The following PARVA variants were observed in gnomAD, a reference collection of about 807,000 sequenced individuals.
PARVA encodes alpha-parvin.
PARVA carries 25 observed loss-of-function variants against 52.6 expected under a neutral mutation model. The observed-to-expected ratio is 0.48, with a 90% CI of 0.35 to 0.66. The LOEUF (loss-of-function observed/expected upper bound fraction) is 0.66, where lower values mean the gene tolerates loss of function less well. Among genes scored for constraint, PARVA ranks in the 30% least tolerant of loss-of-function variants. PARVA has a pLI of 0.01. For synonymous variants in PARVA, 185 were observed against 179.1 expected, an observed-to-expected ratio of 1.03 and a Z score of -0.26; for missense variants, 373 against 450.9, an observed-to-expected ratio of 0.83 and a Z score of 1.56.
At chr11:12,417,102 T>C (rs868249420) in intron 1 of PARVA, among the ~76,000 whole-genome samples, 1 of 152,238 alleles carries the variant, frequency 6.6e-6, no homozygotes, top group East Asian at 1.9e-4. Flanking sequence ...AGGAAACTTG[T>C]ATATCAGTGA....
At chr11:12,423,019 A>T (rs1228458421) in intron 1 of PARVA, among the ~76,000 whole-genome samples, 1 of 151,900 alleles carries the variant, frequency 6.6e-6, no homozygotes, top group Non-Finnish European at 1.5e-5. Flanking sequence ...ATGCCCAACT[A>T]AGTTTTGTAT....
At chr11:12,513,501 G>C (rs1941529122) in intron 9 of PARVA, 141 bp downstream of exon 9, 1 of 796,890 alleles carries the variant, frequency 1.3e-6, no homozygotes, top group Non-Finnish European at 2.3e-6. Flanking sequence ...TTTCCCCCTT[G>C]CCATCCATGT....
upstream of PARVA, chr11:12,376,750 C>T: frequency 1.0e-6 from 1 of 983,130 alleles, no homozygotes; most frequent in Non-Finnish European, 1.2e-6. Context: ...CTCAATAACA[C>T]GTGCCTTTTA....
At chr11:12,490,816 G>C (rs1191782463) in intron 4 of PARVA, among the ~76,000 whole-genome samples, 1 of 152,136 alleles carries the variant, frequency 6.6e-6, no homozygotes, top group East Asian at 1.9e-4. Context: ...TATGTAATTG[G>C]AGTCAACGCG....
chr11:12,432,157 G>C lies in PARVA; in HGVS notation c.137-41588G>C, dbSNP rs1213427476. On this transcript the variant is annotated intron_variant, in intron 1 of 12. Coordinates refer to ENST00000334956, the MANE Select transcript of PARVA (RefSeq NM_018222.5). Reference sequence around the variant, plus strand: ...GTTGGGAAATTACTACTATAGTTGAGTAGTGACTCTTTTTTCCTCATTTTC... The same window carrying C: ...GTTGGGAAATTACTACTATAGTTGACTAGTGACTCTTTTTTCCTCATTTTC... Among the ~76,000 whole-genome samples the C allele has an allele frequency of 2.0e-5, 3 of 152,156 alleles. No homozygotes were observed. In the East Asian group the frequency reaches 5.8e-4, roughly 29 times the overall value.
At chr11:12,489,989 G>T (rs1478866916) in intron 4 of PARVA, among the ~76,000 whole-genome samples, 1 of 151,600 alleles carries the variant, frequency 6.6e-6, no homozygotes, top group African/African-American at 2.4e-5. Flanking sequence ...GGCCAAGGCA[G>T]ATGGATCACA....
chr11:12,459,175 C>G (rs1299646471), intron 1 of PARVA, among the ~76,000 whole-genome samples: 1 of 151,904 alleles, frequency 6.6e-6, no homozygotes, highest in East Asian at 1.9e-4. Context: ...GCCTGTAATC[C>G]CAGCATTTTT....
chr11:12,477,518 C>T (rs1337292518), intron 3 of PARVA, among the ~76,000 whole-genome samples: 1 of 152,072 alleles, frequency 6.6e-6, no homozygotes, highest in Non-Finnish European at 1.5e-5. Flanking sequence ...ATTAAGAAGG[C>T]CAGTAGGGCT....
chr11:12,503,034 C>G (rs1355297157), intron 5 of PARVA, among the ~76,000 whole-genome samples: 2 of 152,142 alleles, frequency 1.3e-5, no homozygotes, highest in Non-Finnish European at 2.9e-5. Flanking sequence ...TTCTCCTCAT[C>G]TAGTGAGAAA....
chr11:12,488,760 C>A (rs1460245870), intron 4 of PARVA, among the ~76,000 whole-genome samples: 2 of 152,208 alleles, frequency 1.3e-5, no homozygotes, highest in African/African-American at 4.8e-5. Context: ...ATTCACAGTA[C>A]TTATGTGACT....
At chr11:12,499,774 G>A (rs1040173522) in intron 5 of PARVA, among the ~76,000 whole-genome samples, 3 of 152,028 alleles carry the variant, frequency 2.0e-5, no homozygotes, top group Non-Finnish European at 4.4e-5. Flanking sequence ...TTCTGTGTGT[G>A]TCTGTACGTG....
rs746992916 is a variant in PARVA, at chr11:12,531,013, C to A, written c.*3088C>A. On this transcript the variant is annotated 3_prime_UTR_variant, in exon 13 of 13. Coordinates refer to ENST00000334956, the MANE Select transcript of PARVA (RefSeq NM_018222.5). Reference sequence around the variant, plus strand: ...ATGTTTTTAAGTCCTCTTTTGGAACCTTATGGTGAATTGTATGCAGATTGA... The same window carrying A: ...ATGTTTTTAAGTCCTCTTTTGGAACATTATGGTGAATTGTATGCAGATTGA... Among the ~76,000 whole-genome samples, 5 of 152,146 alleles carry A rather than the reference C, an allele frequency of 3.3e-5. No homozygotes were observed. Among genetic ancestry groups the A allele is most frequent in the Non-Finnish European group, 5.9e-5 (4 of 68,034 alleles).
chr11:12,527,113 A>T (rs1941713095), intron 12 of PARVA, among the ~76,000 whole-genome samples: 1 of 152,192 alleles, frequency 6.6e-6, no homozygotes, highest in African/African-American at 2.4e-5. Flanking sequence ...GCCTATTGGG[A>T]ATTCTCCAGC....
At chr11:12,402,220 T>C (rs1939838208) in intron 1 of PARVA, among the ~76,000 whole-genome samples, 1 of 152,154 alleles carries the variant, frequency 6.6e-6, no homozygotes, top group Middle Eastern at 3.2e-3. Flanking sequence ...GACAGGATAT[T>C]GACCAGCAGC....
intron 7 of PARVA, 127 bp downstream of exon 7, chr11:12,508,769 G>T: frequency 1.3e-6 from 1 of 778,266 alleles, no homozygotes. Context: ...TTCAGCCAAT[G>T]ATTATAGTTT....
At chr11:12,376,744 A>G (rs975473613), upstream of PARVA, 1 of 984,154 alleles carries the variant, frequency 1.0e-6, no homozygotes, top group Non-Finnish European at 1.2e-6. Context: ...GGTAAGCTCA[A>G]TAACACGTGC....
chr11:12,464,924 G>A (rs989627901), intron 1 of PARVA, among the ~76,000 whole-genome samples: 4 of 152,150 alleles, frequency 2.6e-5, no homozygotes, highest in African/African-American at 9.7e-5. Flanking sequence ...TTAGTTTCGG[G>A]ATGAAACTGT....
In PARVA at chr11:12,533,935, G is replaced by A. The variant is rs568412470; in HGVS notation, c.*6010G>A. Among the ~76,000 whole-genome samples the A allele has an allele frequency of 2.6e-5, 4 of 152,184 alleles. No individual in the cohort carries two copies. Among genetic ancestry groups the A allele is most frequent in the Non-Finnish European group, 4.4e-5 (3 of 68,008 alleles). On this transcript the variant is annotated 3_prime_UTR_variant, in exon 13 of 13. Coordinates refer to ENST00000334956, the MANE Select transcript of PARVA (RefSeq NM_018222.5). ...TGTAATCCCAGCACTTTGGGAGGCC[G>A]AGACGGACAGATCACAAGGTCAGGA...
At chr11:12,383,289 T>G (rs1003691890) in intron 1 of PARVA, among the ~76,000 whole-genome samples, 1 of 152,192 alleles carries the variant, frequency 6.6e-6, no homozygotes, top group African/African-American at 2.4e-5. Flanking sequence ...ACTTTTCAAC[T>G]TTCTTTCTCT....
Sources: gnomAD v4.1 joint callset for allele counts (sites outside exome capture counted in the v4.1 genomes callset) on GRCh38, gnomAD v4.1.1 for gene constraint, MANE v1.5 for transcripts, NCBI Gene and HGNC (gene_info 2026-07-23, HGNC 2026-07-21) for gene names.